The following NRXN3 variants were observed in gnomAD, a reference collection of about 807,000 sequenced individuals.
The protein encoded by NRXN3 is neurexin 3.
Under a neutral mutation model 137.6 loss-of-function variants are expected in NRXN3, and 32 were observed. The observed-to-expected ratio is 0.23, with a 90% confidence interval of 0.18 to 0.31. The LOEUF (loss-of-function observed/expected upper bound fraction) is 0.31. Among genes scored for constraint, NRXN3 ranks in the 10% least tolerant of loss-of-function variants. The pLI is 1.00. For missense variants in NRXN3, 1,574 were observed against 2,062.5 expected, an observed-to-expected ratio of 0.76 and a Z score of 4.59; for synonymous variants, 798 against 784.5, an observed-to-expected ratio of 1.02 and a Z score of -0.29.
intron 4 of NRXN3, among the ~76,000 whole-genome samples, chr14:78,632,261 G>T (rs1649872438): frequency 6.6e-6 from 1 of 151,984 alleles, no homozygotes. Context: ...CAAAGTATAT[G>T]GTTAATACCT....
intron 10 of NRXN3, among the ~76,000 whole-genome samples, chr14:78,942,358 A>G (rs1370189873): frequency 6.6e-6 from 1 of 152,220 alleles, no homozygotes; most frequent in Non-Finnish European, 1.5e-5. Context: ...CTGAGCCTCT[A>G]CTTTCAGCTT....
chr14:78,216,836 G>A (rs906748118), intron 1 of NRXN3, among the ~76,000 whole-genome samples: 1 of 152,098 alleles, frequency 6.6e-6, no homozygotes, highest in Non-Finnish European at 1.5e-5. Flanking sequence ...TGGTGTTACC[G>A]GCAATCCTTG....
At chr14:78,634,883 G>A (rs915300696) in intron 4 of NRXN3, among the ~76,000 whole-genome samples, 3 of 152,084 alleles carry the variant, frequency 2.0e-5, no homozygotes, top group African/African-American at 7.2e-5. Context: ...AATTTTATCA[G>A]CCCCTCATCA....
chr14:78,270,003 C>T (rs554523321), intron 2 of NRXN3, among the ~76,000 whole-genome samples: 4 of 152,282 alleles, frequency 2.6e-5, no homozygotes, highest in Admixed American at 1.3e-4. Context: ...AGTGCTTTTG[C>T]GTATGTTAGT....
At chr14:79,757,122 G>A (rs1568135106) in intron 19 of NRXN3, among the ~76,000 whole-genome samples, 1 of 152,098 alleles carries the variant, frequency 6.6e-6, no homozygotes, top group South Asian at 2.1e-4. Context: ...ATTTCAAGAG[G>A]ACATTTGGGT....
At chr14:78,813,650 A>G (rs997097532) in intron 10 of NRXN3, among the ~76,000 whole-genome samples, 5 of 151,998 alleles carry the variant, frequency 3.3e-5, no homozygotes, top group Non-Finnish European at 2.9e-5. Flanking sequence ...ATACTGAATG[A>G]CATCAGCTAT....
At chr14:78,227,456 G>A (rs2064821705) in intron 1 of NRXN3, among the ~76,000 whole-genome samples, 1 of 152,170 alleles carries the variant, frequency 6.6e-6, no homozygotes, top group Admixed American at 6.5e-5. Flanking sequence ...ATTGCTGTAT[G>A]CAGTCAGTAC....
intron 15 of NRXN3, among the ~76,000 whole-genome samples, chr14:79,113,645 GT>G (rs776657279): frequency 6.6e-6 from 1 of 152,056 alleles, no homozygotes; most frequent in East Asian, 1.9e-4. Context: ...TCCCAGTTTG[GT>G]TTTTTCCCCC....
At chr14:78,397,969 C>T (rs1250684011) in intron 4 of NRXN3, among the ~76,000 whole-genome samples, 1 of 150,478 alleles carries the variant, frequency 6.6e-6, no homozygotes, top group Non-Finnish European at 1.5e-5. Flanking sequence ...AATCGCAGCA[C>T]TTTGGGAGGC....
At chr14:78,210,538 T>G (rs890369782) in intron 1 of NRXN3, among the ~76,000 whole-genome samples, 9 of 152,192 alleles carry the variant, frequency 5.9e-5, no homozygotes, top group Non-Finnish European at 1.2e-4. Context: ...CCATGTACAA[T>G]AAAGTACCTC....
rs548242704 is a variant in NRXN3, at chr14:79,197,525, C to CTG, written c.3262+209385_3262+209386insGT. Among the ~76,000 whole-genome samples, 523 of 151,272 alleles carry CTG rather than the reference C, an allele frequency of 3.5e-3. 1 individual carries two copies. The highest frequency in any genetic ancestry group is 0.012 in the African/African-American group (503 of 41,222). ...TGGCTTATCTACTGTTTTTTCTTCT[C>CTG]TTTTTCTTTTCTTACTGTATCTGTA... is the stretch of plus-strand genomic sequence containing the variant. On this transcript the variant is annotated intron_variant, in intron 15 of 20. Coordinates refer to ENST00000335750, the MANE Select transcript of NRXN3 (RefSeq NM_001330195.2).
intron 15 of NRXN3, among the ~76,000 whole-genome samples, chr14:79,350,148 G>A (rs2093134401): frequency 6.6e-6 from 1 of 152,146 alleles, no homozygotes; most frequent in Non-Finnish European, 1.5e-5. Context: ...GTCAGAATGT[G>A]GAATCCAAAG....
chr14:79,828,515 G>C lies in NRXN3; in HGVS notation c.4093+23325G>C, dbSNP rs1282519637. The stretch of plus-strand genomic sequence containing the variant: ...GGCACCTGTAATCCCAGCTACTCGG[G>C]AGGCTGAGCCAGGAGAATTGCTTGA... On this transcript the variant is annotated intron_variant, in intron 20 of 20. Coordinates refer to ENST00000335750, the MANE Select transcript of NRXN3 (RefSeq NM_001330195.2). Among the ~76,000 whole-genome samples, 9 of 151,560 alleles carry C rather than the reference G, an allele frequency of 5.9e-5. No homozygotes were observed. In the Middle Eastern group the frequency reaches 0.01, roughly 172 times the overall value.
chr14:78,397,836 T>C (rs1323710293), intron 4 of NRXN3, among the ~76,000 whole-genome samples: 1 of 150,802 alleles, frequency 6.6e-6, no homozygotes, highest in Non-Finnish European at 1.5e-5. Context: ...ACTCCTGACC[T>C]CAAGTGATCT....
At chr14:79,276,847 G>C (rs2080362751) in intron 15 of NRXN3, among the ~76,000 whole-genome samples, 1 of 152,174 alleles carries the variant, frequency 6.6e-6, no homozygotes, top group Admixed American at 6.5e-5. Flanking sequence ...AGGAAAATGT[G>C]AGTATGAGAT....
chr14:78,661,358 C>A (rs557964973), intron 6 of NRXN3, among the ~76,000 whole-genome samples: 1 of 152,156 alleles, frequency 6.6e-6, no homozygotes, highest in Non-Finnish European at 1.5e-5. Context: ...TTTGAAGACA[C>A]ATTTTGTGAT....
At chr14:78,263,764 C>T (rs1276237285) in intron 2 of NRXN3, among the ~76,000 whole-genome samples, 2 of 152,120 alleles carry the variant, frequency 1.3e-5, no homozygotes, top group Non-Finnish European at 2.9e-5. Flanking sequence ...AATTTTCTCA[C>T]ATCAGATTTG....
At chr14:79,139,190 A>G (rs190381405) in intron 15 of NRXN3, among the ~76,000 whole-genome samples, 25 of 152,304 alleles carry the variant, frequency 1.6e-4, no homozygotes, top group Admixed American at 1.2e-3. Context: ...ATCTACTTTG[A>G]ATGGTGGGTG....
chr14:78,948,193 G>T (rs1308139884), intron 10 of NRXN3, among the ~76,000 whole-genome samples: 1 of 152,234 alleles, frequency 6.6e-6, no homozygotes, highest in Non-Finnish European at 1.5e-5. Context: ...ACCAGTATGA[G>T]TGTCCACTGT....
Sources: allele counts gnomAD v4.1 joint callset (sites outside exome capture counted in the v4.1 genomes callset), GRCh38; gene constraint gnomAD v4.1.1; transcripts MANE v1.5; gene names NCBI Gene and HGNC (gene_info 2026-07-23, HGNC 2026-07-21).